Variants in ATE1 observed in about 807,000 individuals in gnomAD.
ATE1 encodes the protein arginyl-tRNA--protein transferase 1.
A neutral mutation model predicts 70.5 loss-of-function variants in ATE1; 36 were observed. The ratio of observed to expected loss-of-function variants is 0.51; its 90% CI spans 0.39 to 0.67. The LOEUF (loss-of-function observed/expected upper bound fraction) is 0.67. Ranked by LOEUF, ATE1 falls within the 30% of genes least tolerant of loss-of-function variation. The pLI, the probability that ATE1 is intolerant of heterozygous loss-of-function variation, is 0.00. For synonymous variants in ATE1, 232 were observed against 219.3 expected (o/e 1.06, Z -0.51); for missense variants, 593 against 629.5 (o/e 0.94, Z 0.62).
At chr10:121,790,962 A>ATATGTGTG (rs369054737) in intron 10 of ATE1, among the ~76,000 whole-genome samples, 15 of 150,968 alleles carry the variant, frequency 9.9e-5, no homozygotes, top group Non-Finnish European at 1.3e-4. Flanking sequence ...GTATATATAT[A>ATATGTGTG]TGTGTGTGTA....
intron 1 of ATE1, among the ~76,000 whole-genome samples, chr10:121,924,903 A>T (rs182326898): frequency 5.9e-4 from 90 of 152,296 alleles, no homozygotes; most frequent in African/African-American, 2.1e-3. Flanking sequence ...AGTCTCTATG[A>T]CAGCATAAAT....
intron 11 of ATE1, among the ~76,000 whole-genome samples, chr10:121,776,237 G>A (rs1945733612): frequency 6.6e-6 from 1 of 151,912 alleles, no homozygotes; most frequent in South Asian, 2.1e-4. Context: ...AACTATAGTT[G>A]CCCTATTGTG....
chr10:121,750,748 C>G (rs549259667), intron 11 of ATE1, among the ~76,000 whole-genome samples: 1 of 152,288 alleles, frequency 6.6e-6, no homozygotes, highest in East Asian at 1.9e-4. Context: ...TACAGCATTA[C>G]TACATAAATA....
At chr10:121,835,421 T>A (rs1169759218) in intron 10 of ATE1, among the ~76,000 whole-genome samples, 1 of 141,372 alleles carries the variant, frequency 7.1e-6, no homozygotes, top group African/African-American at 2.7e-5. Flanking sequence ...AATATAATCA[T>A]CCCCAAATGT....
chr10:121,928,150 A>T (rs1952182535), upstream of ATE1: 3 of 1,269,930 alleles, frequency 2.4e-6, no homozygotes, highest in Non-Finnish European at 3.0e-6. Flanking sequence ...GCTTTCCACT[A>T]TTTCCGTTCC....
intron 8 of ATE1, among the ~76,000 whole-genome samples, chr10:121,859,445 ACGGGGTTTCACCGTT>A (rs1949388936): frequency 6.6e-6 from 1 of 151,414 alleles, no homozygotes; most frequent in South Asian, 2.1e-4. Context: ...TTTAGTAGAG[ACGGGGTTTCACCGTT>A]TTAGCCGGGA....
intron 11 of ATE1, among the ~76,000 whole-genome samples, chr10:121,756,080 G>A (rs966282024): frequency 1.3e-5 from 2 of 152,130 alleles, no homozygotes; most frequent in Non-Finnish European, 2.9e-5. Flanking sequence ...GATACAATGG[G>A]GGTACAGGCA....
At chr10:121,884,586 T>C (rs1950323822) in intron 7 of ATE1, among the ~76,000 whole-genome samples, 1 of 151,840 alleles carries the variant, frequency 6.6e-6, no homozygotes, top group Admixed American at 6.6e-5. Context: ...CAAGAGCCTA[T>C]GTCAAACAAT....
intron 8 of ATE1, among the ~76,000 whole-genome samples, chr10:121,860,454 G>T (rs1446264386): frequency 6.6e-6 from 1 of 152,132 alleles, no homozygotes; most frequent in Non-Finnish European, 1.5e-5. Context: ...GATGAACAAA[G>T]AAATGTATTT....
At chr10:121,892,055 T>C (rs79811163) in intron 7 of ATE1, among the ~76,000 whole-genome samples, 2 of 152,152 alleles carry the variant, frequency 1.3e-5, no homozygotes, top group African/African-American at 2.4e-5. Context: ...AGGGGAAAAG[T>C]ACATTTGAAC....
At chr10:121,830,452 C>G (rs1468605048) in intron 10 of ATE1, among the ~76,000 whole-genome samples, 3 of 152,156 alleles carry the variant, frequency 2.0e-5, no homozygotes, top group Admixed American at 6.5e-5. Context: ...ATAGGACCCT[C>G]ACCAGAAGCT....
rs189398849 is a variant in ATE1 at position 121,847,385 on chromosome 10, T to C, written c.976-6122A>G. On this transcript the variant is annotated intron_variant, in intron 8 of 11. Transcript: ENST00000224652. ...ATCGCTTGAACCCGGGAGGCGGAGGTTGCAGTGAGCTGAGATCGCGCCACT... is the reference window on the plus strand; with the variant it reads ...ATCGCTTGAACCCGGGAGGCGGAGGCTGCAGTGAGCTGAGATCGCGCCACT... Among the ~76,000 whole-genome samples, 96 of 151,810 alleles carry C rather than the reference T, an allele frequency of 6.3e-4. 1 individual carries two copies. In the East Asian group the frequency reaches 0.018, roughly 29 times the overall value.
intron 11 of ATE1, among the ~76,000 whole-genome samples, chr10:121,755,659 G>A (rs762484478): frequency 1.6e-4 from 24 of 152,282 alleles, no homozygotes; most frequent in Non-Finnish European, 2.5e-4. Context: ...AGGCAAGGAG[G>A]AGCAAAGTCA....
intron 10 of ATE1, among the ~76,000 whole-genome samples, chr10:121,799,006 C>T (rs1238396740): frequency 6.6e-6 from 1 of 151,930 alleles, no homozygotes; most frequent in African/African-American, 2.4e-5. Context: ...GACTCTATTC[C>T]TATTCTCATT....
intron 6 of ATE1, among the ~76,000 whole-genome samples, chr10:121,901,947 C>T (rs945411256): frequency 6.6e-6 from 1 of 152,188 alleles, no homozygotes; most frequent in Non-Finnish European, 1.5e-5. Context: ...TTCCTAACTG[C>T]TGGCTTATGT....
chr10:121,918,596 G>T (rs192550452), intron 3 of ATE1, among the ~76,000 whole-genome samples: 1 of 152,080 alleles, frequency 6.6e-6, no homozygotes, highest in African/African-American at 2.4e-5. Flanking sequence ...CTTATGAATA[G>T]AATCCTGTCC....
intron 7 of ATE1, among the ~76,000 whole-genome samples, chr10:121,880,592 A>G (rs1215281373): frequency 6.7e-6 from 1 of 149,870 alleles, no homozygotes; most frequent in African/African-American, 2.5e-5. Flanking sequence ...TATATATATA[A>G]ATATTTAGAG....
intron 8 of ATE1, among the ~76,000 whole-genome samples, chr10:121,841,730 C>A (rs1445678145): frequency 6.6e-6 from 1 of 152,026 alleles, no homozygotes; most frequent in Non-Finnish European, 1.5e-5. Flanking sequence ...GACACAAAAA[C>A]ATAAGAATGA....
At chr10:121,786,625 T>C (rs1223029021) in intron 11 of ATE1, among the ~76,000 whole-genome samples, 3 of 147,632 alleles carry the variant, frequency 2.0e-5, no homozygotes, top group Non-Finnish European at 3.0e-5. Context: ...GCCAAGATCA[T>C]ACCAGCCTGG....
Sources: allele counts gnomAD v4.1 joint callset (sites outside exome capture counted in the v4.1 genomes callset), GRCh38; gene constraint gnomAD v4.1.1; transcripts MANE v1.5; gene names NCBI Gene and HGNC (gene_info 2026-07-23, HGNC 2026-07-21).